LDAH: variants seen among roughly 807,000 people sequenced by gnomAD.
LDAH encodes lipid droplet associated hydrolase, also known as lipid droplet-associated hydrolase.
A neutral mutation model predicts 29.6 loss-of-function variants in LDAH; 26 were observed. The ratio of observed to expected loss-of-function variants is 0.88; its 90% CI spans 0.64 to 1.22. The LOEUF (loss-of-function observed/expected upper bound fraction) is 1.22. LDAH is among the 50% of genes most tolerant of loss of function. LDAH has a pLI of 0.00. For missense variants in LDAH, 344 were observed against 387.3 expected, an observed-to-expected ratio of 0.89 and a Z score of 0.94; for synonymous variants, 117 against 133.0, an observed-to-expected ratio of 0.88 and a Z score of 0.83.
At chr2:20,820,406 C>A (rs1419198099) in intron 1 of LDAH, among the ~76,000 whole-genome samples, 2 of 152,038 alleles carry the variant, frequency 1.3e-5, no homozygotes, top group Non-Finnish European at 2.9e-5. Context: ...GGTACTGGTA[C>A]CAAAACAGAG....
At chr2:20,778,461 AATTTTAAATTCCCTTATAGCCT>A (rs1669965607) in intron 3 of LDAH, among the ~76,000 whole-genome samples, 2 of 152,168 alleles carry the variant, frequency 1.3e-5, no homozygotes, top group African/African-American at 4.8e-5. Context: ...AATTGCTTTC[AATTTTAAATTCCCTTATAGCCT>A]CAGAACACAG....
chr2:20,751,970 C>G (rs1159597510), intron 4 of LDAH, among the ~76,000 whole-genome samples: 1 of 152,140 alleles, frequency 6.6e-6, no homozygotes, highest in South Asian at 2.1e-4. Context: ...CAGCTCACAG[C>G]AGCTTCAACC....
chr2:20,737,308 GA>G (rs1446230380), intron 5 of LDAH, among the ~76,000 whole-genome samples: 1 of 152,158 alleles, frequency 6.6e-6, no homozygotes, highest in African/African-American at 2.4e-5. Context: ...AGAAATAGTG[GA>G]AAGTCCATTT....
At chr2:20,819,872 C>T (rs1183482406) in intron 1 of LDAH, among the ~76,000 whole-genome samples, 1 of 152,204 alleles carries the variant, frequency 6.6e-6, no homozygotes, top group Non-Finnish European at 1.5e-5. Context: ...ACCCCATCGT[C>T]TCAGCCCAAA....
chr2:20,780,848 GTTGA>G (rs1282955796), intron 3 of LDAH, among the ~76,000 whole-genome samples: 1 of 152,122 alleles, frequency 6.6e-6, no homozygotes, highest in African/African-American at 2.4e-5. Flanking sequence ...AGCCCTGAGA[GTTGA>G]TTGATTGGTT....
chr2:20,717,629 G>T (rs928192796), intron 5 of LDAH, among the ~76,000 whole-genome samples: 1 of 152,184 alleles, frequency 6.6e-6, no homozygotes, highest in Non-Finnish European at 1.5e-5. Context: ...CTCTATGAAA[G>T]AAAACATTAT....
At chr2:20,777,355 T>C (rs1205022174) in intron 3 of LDAH, among the ~76,000 whole-genome samples, 2 of 152,162 alleles carry the variant, frequency 1.3e-5, no homozygotes, top group African/African-American at 4.8e-5. Flanking sequence ...GTGGTAAGAT[T>C]AATGGGGAAA....
chr2:20,723,403 T>C (rs953028579), intron 5 of LDAH, among the ~76,000 whole-genome samples: 1 of 152,140 alleles, frequency 6.6e-6, no homozygotes, highest in Non-Finnish European at 1.5e-5. Flanking sequence ...AAGTTTGTTT[T>C]GTGATAATTC....
At chr2:20,697,280 A>G (rs969633962) in intron 6 of LDAH, among the ~76,000 whole-genome samples, 1 of 152,076 alleles carries the variant, frequency 6.6e-6, no homozygotes. Context: ...CCATTCCCCA[A>G]TATCCTGTTA....
intron 1 of LDAH, among the ~76,000 whole-genome samples, chr2:20,813,422 A>C (rs1388538530): frequency 6.6e-6 from 1 of 152,194 alleles, no homozygotes; most frequent in Non-Finnish European, 1.5e-5. Flanking sequence ...CAAAGAGTTT[A>C]TATAAGTAAT....
chr2:20,710,654 TATAC>T (rs1348438525), intron 5 of LDAH, among the ~76,000 whole-genome samples: 24,360 of 134,286 alleles, frequency 0.18, 2,419 homozygotes, highest in East Asian at 0.23. Context: ...TATACATATA[TATAC>T]ACATATATAT....
At position 20,684,608 on chromosome 2, in the gene LDAH, T is replaced by C. The variant is rs67562647; in HGVS notation, c.*2295A>G. 0.25 allele frequency: 73,638 copies of C among 299,990 alleles called. 10,079 individuals carry two copies. The highest frequency in any genetic ancestry group is 0.29 in the Non-Finnish European group (47,697 of 163,558). The allele number at this position is 299,990 out of a possible 1,614,324, so 18.6% of individuals were successfully genotyped here. On this transcript the variant is annotated 3_prime_UTR_variant, in exon 7 of 7. Transcript: ENST00000237822. ...TTGGTGGTCCGTGTCTCTCCAAAGG[T>C]TGAGTGGAGAAGCGTATGGTGAGAG...
At chr2:20,732,518 T>C (rs340623) in intron 5 of LDAH, among the ~76,000 whole-genome samples, 54,049 of 152,096 alleles carry the variant, frequency 0.36, 11,040 homozygotes, top group Middle Eastern at 0.6. Context: ...AGCCTCTAAA[T>C]GTCTTTTTTT....
chr2:20,703,348 C>G (rs1262678300), intron 5 of LDAH, among the ~76,000 whole-genome samples: 1 of 152,180 alleles, frequency 6.6e-6, no homozygotes, highest in Non-Finnish European at 1.5e-5. Context: ...CTTCAAACCT[C>G]TAAACACTTA....
At chr2:20,762,540 T>TAA (rs138665418) in intron 4 of LDAH, among the ~76,000 whole-genome samples, 2,022 of 152,310 alleles carry the variant, frequency 0.013, 45 homozygotes, top group African/African-American at 0.046. Context: ...TTAATTTTGA[T>TAA]AACTGTTGAG....
chr2:20,778,019 T>G (rs905983896), intron 3 of LDAH, among the ~76,000 whole-genome samples: 3 of 152,206 alleles, frequency 2.0e-5, no homozygotes, highest in African/African-American at 7.2e-5. Context: ...TTGAGATTTC[T>G]AAATTGAGAA....
chr2:20,786,662 C>A (rs530260105), intron 3 of LDAH, among the ~76,000 whole-genome samples: 20 of 152,174 alleles, frequency 1.3e-4, no homozygotes, highest in African/African-American at 2.6e-4. Flanking sequence ...AAGGTAGAGG[C>A]CTGTAGACAT....
chr2:20,821,218 G>A (rs1379702056), intron 1 of LDAH, among the ~76,000 whole-genome samples: 1 of 152,156 alleles, frequency 6.6e-6, no homozygotes, highest in Non-Finnish European at 1.5e-5. Context: ...CGATTCCTCA[G>A]GGATCTAGAA....
chr2:20,764,795 A>C (rs944722452), intron 4 of LDAH, among the ~76,000 whole-genome samples: 5 of 152,234 alleles, frequency 3.3e-5, no homozygotes, highest in African/African-American at 1.2e-4. Context: ...AAAGTTAGAA[A>C]ACAGAATACA....
Sources: allele counts gnomAD v4.1 joint callset (sites outside exome capture counted in the v4.1 genomes callset), GRCh38; gene constraint gnomAD v4.1.1; transcripts MANE v1.5; gene names NCBI Gene and HGNC (gene_info 2026-07-23, HGNC 2026-07-21).